XRCC4: variants seen among roughly 807,000 people sequenced by gnomAD.
XRCC4 encodes the protein DNA repair protein XRCC4.
Under a neutral mutation model 39.1 loss-of-function variants are expected in XRCC4, and 28 were observed. The observed-to-expected ratio is 0.72, with a 90% confidence interval of 0.53 to 0.98. XRCC4 has a LOEUF of 0.98. XRCC4 is among the 50% of genes least tolerant of loss of function. The pLI, the probability that XRCC4 is intolerant of heterozygous loss-of-function variation, is 0.00. For missense variants in XRCC4, 350 were observed against 376.4 expected, an observed-to-expected ratio of 0.93 and a Z score of 0.58; for synonymous variants, 123 against 126.4, an observed-to-expected ratio of 0.97 and a Z score of 0.18.
intron 3 of XRCC4, among the ~76,000 whole-genome samples, chr5:83,127,636 T>C (rs370724884): frequency 7.2e-5 from 11 of 152,032 alleles, no homozygotes; most frequent in African/African-American, 2.4e-4. Flanking sequence ...CCATCCCCAA[T>C]TCAACAGTGT....
At chr5:83,148,725 T>G (rs1413405530) in intron 3 of XRCC4, among the ~76,000 whole-genome samples, 1 of 152,092 alleles carries the variant, frequency 6.6e-6, no homozygotes, top group East Asian at 1.9e-4. Context: ...TTGTATTAGG[T>G]GCTTCCCTTG....
At chr5:83,363,796 G>A in the XRCC4 span, among the ~76,000 whole-genome samples, 4 of 152,094 alleles carry the variant, frequency 2.6e-5, no homozygotes, top group African/African-American at 9.7e-5. Context: ...TTCCTTTTTT[G>A]AACATTCCCA....
chr5:83,138,000 C>A (rs1747981826), intron 3 of XRCC4, among the ~76,000 whole-genome samples: 1 of 152,090 alleles, frequency 6.6e-6, no homozygotes, highest in South Asian at 2.1e-4. Context: ...TATTTCTAAT[C>A]ATATATTTCT....
intron 3 of XRCC4, among the ~76,000 whole-genome samples, chr5:83,154,469 A>C (rs539704999): frequency 1.1e-4 from 16 of 152,328 alleles, no homozygotes; most frequent in Non-Finnish European, 1.8e-4. Flanking sequence ...ATCTGAAAGA[A>C]TCTGTATCTG....
At chr5:83,308,943 T>G (rs1353425221) in intron 7 of XRCC4, among the ~76,000 whole-genome samples, 15 of 152,062 alleles carry the variant, frequency 9.9e-5, no homozygotes, top group Non-Finnish European at 1.9e-4. Flanking sequence ...TTTTCATTTA[T>G]TGCACAGCAA....
chr5:83,263,765 G>T (rs1202712725), intron 7 of XRCC4, among the ~76,000 whole-genome samples: 1 of 151,368 alleles, frequency 6.6e-6, no homozygotes, highest in African/African-American at 2.4e-5. Flanking sequence ...AGATGAGTAG[G>T]TTGCGAAAAT....
chr5:83,239,977 G>A (rs929543590), intron 6 of XRCC4, among the ~76,000 whole-genome samples: 1 of 151,846 alleles, frequency 6.6e-6, no homozygotes, highest in African/African-American at 2.4e-5. Context: ...GGACAACATA[G>A]TGAGACCCTG....
At chr5:83,354,656 C>A (rs1359704553), downstream of XRCC4, among the ~76,000 whole-genome samples, 1 of 152,092 alleles carries the variant, frequency 6.6e-6, no homozygotes, top group African/African-American at 2.4e-5. Flanking sequence ...ATATCCAAAG[C>A]AGAAATTTGA....
At position 83,195,857 on chromosome 5, in the gene XRCC4, G is replaced by C. The variant is rs372774793; in HGVS notation, c.403G>C (p.Ala135Pro). The C allele has an allele frequency of 5.6e-6, 9 of 1,611,846 alleles. No homozygotes were observed. In the African/African-American group the frequency reaches 1.2e-4, roughly 22 times the overall value. The change falls in exon 4 of 8, where the codon GCA (alanine) becomes CCA (proline). Residue 135 changes from alanine (A) to proline (P), a missense_variant. Coordinates refer to ENST00000396027, the MANE Select transcript of XRCC4 (RefSeq NM_003401.5). ...TATTTGTTATTGCTTGGACACCATT[G>C]CAGAAAATCAAGCCAAAAATGAGCA... ...ELICYCLDTIAENQAKNEHLQ... is the reference protein window; with the variant it reads ...ELICYCLDTIPENQAKNEHLQ...
At chr5:83,181,910 T>C (rs1036563497) in intron 3 of XRCC4, among the ~76,000 whole-genome samples, 4 of 152,180 alleles carry the variant, frequency 2.6e-5, no homozygotes, top group African/African-American at 9.6e-5. Context: ...GAAGTGGGGT[T>C]GCTGCCTATC....
At chr5:83,277,516 G>T (rs924564805) in intron 7 of XRCC4, among the ~76,000 whole-genome samples, 1 of 152,172 alleles carries the variant, frequency 6.6e-6, no homozygotes, top group Non-Finnish European at 1.5e-5. Flanking sequence ...CTGACATGTT[G>T]GGGTATTTGT....
intron 3 of XRCC4, among the ~76,000 whole-genome samples, chr5:83,141,613 G>GCA (rs1748179021): frequency 6.6e-6 from 1 of 151,046 alleles, no homozygotes; most frequent in Non-Finnish European, 1.5e-5. Flanking sequence ...CTTTTTTTGT[G>GCA]TATTGTTTGT....
intron 7 of XRCC4, among the ~76,000 whole-genome samples, chr5:83,309,495 C>T (rs1026602785): frequency 6.6e-6 from 1 of 150,792 alleles, no homozygotes; most frequent in African/African-American, 2.4e-5. Context: ...GGCGCGGTGG[C>T]TCACGCCTGT....
chr5:83,147,093 G>A (rs1343565664), intron 3 of XRCC4, among the ~76,000 whole-genome samples: 1 of 152,156 alleles, frequency 6.6e-6, no homozygotes, highest in Non-Finnish European at 1.5e-5. Context: ...AACTTCTCAA[G>A]CTTATCTGAA....
chr5:83,097,350 G>GTTTTTTTTTTTTTTT (rs5869160), intron 1 of XRCC4, among the ~76,000 whole-genome samples: 1 of 142,738 alleles, frequency 7.0e-6, no homozygotes, highest in Non-Finnish European at 1.5e-5. Flanking sequence ...TATAGGTTTT[G>GTTTTTTTTTTTTTTT]TTTTTTTTTT....
intron 7 of XRCC4, among the ~76,000 whole-genome samples, chr5:83,320,336 A>T (rs1756016847): frequency 2.7e-5 from 4 of 150,490 alleles, no homozygotes; most frequent in African/African-American, 4.9e-5. Context: ...GTGCACATGT[A>T]CCCTAAAACT....
intron 7 of XRCC4, among the ~76,000 whole-genome samples, chr5:83,271,589 T>A (rs1280698940): frequency 1.3e-5 from 2 of 152,214 alleles, no homozygotes; most frequent in Non-Finnish European, 2.9e-5. Context: ...GTCTACTCTT[T>A]GACCACAGTT....
chr5:83,245,758 A>C (rs1421868559), intron 6 of XRCC4, among the ~76,000 whole-genome samples: 1 of 152,084 alleles, frequency 6.6e-6, no homozygotes, highest in Non-Finnish European at 1.5e-5. Flanking sequence ...CAGGGAAGAT[A>C]ATACAGATTA....
chr5:83,291,310 G>A (rs1466139802), intron 7 of XRCC4, among the ~76,000 whole-genome samples: 2 of 151,662 alleles, frequency 1.3e-5, no homozygotes, highest in Non-Finnish European at 3.0e-5. Context: ...ACTACACTAG[G>A]TAATTAGTAA....
Sources: allele counts gnomAD v4.1 joint callset (sites outside exome capture counted in the v4.1 genomes callset), GRCh38; gene constraint gnomAD v4.1.1; transcripts MANE v1.5; gene names NCBI Gene and HGNC (gene_info 2026-07-23, HGNC 2026-07-21).